The following TGFBR3 variants were observed in gnomAD, a reference collection of about 807,000 sequenced individuals.
TGFBR3 encodes transforming growth factor beta receptor 3.
Under a neutral mutation model 87.9 loss-of-function variants are expected in TGFBR3, and 46 were observed. The observed-to-expected ratio is 0.52, with a 90% CI of 0.41 to 0.67. The LOEUF (loss-of-function observed/expected upper bound fraction) is 0.67. Ranked by LOEUF, TGFBR3 falls within the 30% of genes least tolerant of loss-of-function variation. The pLI is 0.00. For synonymous variants in TGFBR3, 381 were observed against 391.6 expected (o/e 0.97, Z 0.32); for missense variants, 866 against 1,041.9 (o/e 0.83, Z 2.32).
intron 1 of TGFBR3, among the ~76,000 whole-genome samples, chr1:91,903,880 C>A (rs187245546): frequency 9.6e-4 from 146 of 152,114 alleles, no homozygotes; most frequent in Middle Eastern, 3.4e-3. Flanking sequence ...AACATTAAAA[C>A]TTAGTAAAAC....
chr1:91,779,168 G>C (rs191227462), intron 3 of TGFBR3, among the ~76,000 whole-genome samples: 38 of 152,284 alleles, frequency 2.5e-4, no homozygotes, highest in African/African-American at 8.4e-4. Flanking sequence ...GGTGAACTTC[G>C]TGACTGGACG....
At chr1:91,880,358 TG>T (rs1212384800) in intron 1 of TGFBR3, among the ~76,000 whole-genome samples, 1 of 152,148 alleles carries the variant, frequency 6.6e-6, no homozygotes, top group African/African-American at 2.4e-5. Flanking sequence ...CCCAGCACGT[TG>T]GGAGGCCAAG....
chr1:91,844,931 T>TA (rs1677415281), intron 2 of TGFBR3, among the ~76,000 whole-genome samples: 1 of 152,156 alleles, frequency 6.6e-6, no homozygotes, highest in African/African-American at 2.4e-5. Context: ...CAGAAAGGGT[T>TA]AAAAATACTA....
At chr1:91,846,211 C>T (rs984948741) in intron 2 of TGFBR3, among the ~76,000 whole-genome samples, 8 of 152,170 alleles carry the variant, frequency 5.3e-5, no homozygotes, top group Admixed American at 1.3e-4. Context: ...ATCTCTGTAC[C>T]GTCTCTCTGC....
chr1:91,863,680 A>T (rs866236688), intron 1 of TGFBR3, among the ~76,000 whole-genome samples: 8 of 152,222 alleles, frequency 5.3e-5, no homozygotes, highest in African/African-American at 1.9e-4. Context: ...ACATTACAAC[A>T]GTCAAAAGGA....
intron 2 of TGFBR3, among the ~76,000 whole-genome samples, chr1:91,802,340 CT>C (rs2101019371): frequency 6.6e-6 from 1 of 151,964 alleles, no homozygotes; most frequent in Admixed American, 6.6e-5. Flanking sequence ...CCATCTCAGA[CT>C]TACTTATTTC....
chr1:91,753,971 C>T (rs1172242562), intron 4 of TGFBR3, among the ~76,000 whole-genome samples: 1 of 152,192 alleles, frequency 6.6e-6, no homozygotes, highest in Non-Finnish European at 1.5e-5. Flanking sequence ...ATTTTACATT[C>T]CCACCAGCAA....
At chr1:91,888,263 C>G (rs986820118), upstream of TGFBR3, among the ~76,000 whole-genome samples, 3 of 152,190 alleles carry the variant, frequency 2.0e-5, no homozygotes, top group Non-Finnish European at 4.4e-5. Flanking sequence ...TCCAATAAAC[C>G]TTTCCTTTGT....
chr1:91,723,285 G>A (rs1472009722), intron 7 of TGFBR3, among the ~76,000 whole-genome samples: 1 of 151,652 alleles, frequency 6.6e-6, no homozygotes, highest in African/African-American at 2.4e-5. Flanking sequence ...AGTTTGAGAC[G>A]AGCTTGGGTA....
At chr1:91,792,505 C>T (rs1675232381) in intron 3 of TGFBR3, among the ~76,000 whole-genome samples, 1 of 152,144 alleles carries the variant, frequency 6.6e-6, no homozygotes, top group Non-Finnish European at 1.5e-5. Flanking sequence ...GGGACTTATC[C>T]TCAGCAGCTT....
chr1:91,725,666 G>A (rs1223718955), intron 7 of TGFBR3, among the ~76,000 whole-genome samples: 3 of 152,154 alleles, frequency 2.0e-5, no homozygotes, highest in African/African-American at 4.8e-5. Flanking sequence ...CAAACTCAAG[G>A]TGAGTACTAT....
intron 15 of TGFBR3, 75 bp from the exon 16 acceptor site, chr1:91,695,854 C>T: frequency 1.7e-6 from 2 of 1,174,176 alleles, no homozygotes; most frequent in Non-Finnish European, 2.6e-6. Flanking sequence ...ATATTTGTTT[C>T]ACAAGCACTG....
intron 5 of TGFBR3, among the ~76,000 whole-genome samples, chr1:91,730,343 C>T (rs1189293300): frequency 2.0e-5 from 3 of 152,168 alleles, no homozygotes; most frequent in Admixed American, 2.0e-4. Context: ...TCAGAACACC[C>T]AGGCGGGGCC....
intron 12 of TGFBR3, among the ~76,000 whole-genome samples, chr1:91,713,771 G>A (rs1672069066): frequency 6.6e-6 from 1 of 152,072 alleles, no homozygotes. Flanking sequence ...CAGTATTTTT[G>A]CAATACTTCT....
intron 1 of TGFBR3, among the ~76,000 whole-genome samples, chr1:91,880,961 A>G (rs1413704758): frequency 6.6e-6 from 1 of 151,714 alleles, no homozygotes; most frequent in Non-Finnish European, 1.5e-5. Context: ...AAAATAAAAA[A>G]TAAATCTGAC....
chr1:91,683,086 G>A lies in TGFBR3; in HGVS notation c.*653C>T, dbSNP rs1454051498. On this transcript the variant is annotated 3_prime_UTR_variant, in exon 17 of 17. Transcript: ENST00000212355. ...AAACAGGAAGCTGATAAGGTCATCA[G>A]CATTGGTTTTGGCCCAGGGCACAAG... 2.2e-6 allele frequency: 1 copy of A among 454,540 alleles called. No individual in the cohort carries two copies. Among genetic ancestry groups the A allele is most frequent in the Admixed American group, 2.3e-5 (1 of 42,582 alleles). 28.2% of individuals were successfully genotyped at this position (454,540 alleles called of 1,614,324 possible). A position where few individuals can be genotyped will look rare whatever the true frequency, so the allele number is the denominator to read the frequency against.
chr1:91,722,271 C>G, intron 7 of TGFBR3, 127 bp from the exon 8 acceptor site: 1 of 845,758 alleles, frequency 1.2e-6, no homozygotes, highest in Non-Finnish European at 1.8e-6. Flanking sequence ...TCTTTTGACC[C>G]CTGTTTTCCT....
chr1:91,777,987 G>A (rs1255920864), intron 3 of TGFBR3, among the ~76,000 whole-genome samples: 1 of 152,162 alleles, frequency 6.6e-6, no homozygotes, highest in Admixed American at 6.5e-5. Flanking sequence ...AAGAAAGACA[G>A]GGAAAGATTC....
At chr1:91,739,591 T>C (rs1194998185) in intron 4 of TGFBR3, among the ~76,000 whole-genome samples, 1 of 152,154 alleles carries the variant, frequency 6.6e-6, no homozygotes, top group Admixed American at 6.5e-5. Flanking sequence ...CCTGAGCACA[T>C]TAGCAGTCCT....
Sources: allele counts gnomAD v4.1 joint callset (sites outside exome capture counted in the v4.1 genomes callset), GRCh38; gene constraint gnomAD v4.1.1; transcripts MANE v1.5; gene names NCBI Gene and HGNC (gene_info 2026-07-23, HGNC 2026-07-21).